Variants in HERC2 observed in about 807,000 individuals in gnomAD.
HERC2 encodes E3 ubiquitin-protein ligase HERC2.
A neutral mutation model predicts 537.7 loss-of-function variants in HERC2; 102 were observed. The observed-to-expected ratio is 0.19, with a 90% CI of 0.16 to 0.22. The LOEUF is 0.22. Among genes scored for constraint, HERC2 ranks in the 10% least tolerant of loss-of-function variants. The pLI, the probability that HERC2 is intolerant of heterozygous loss-of-function variation, is 1.00. For missense variants in HERC2, 4,236 were observed against 6,198.2 expected, an observed-to-expected ratio of 0.68 and a Z score of 10.63; for synonymous variants, 2,224 against 2,466.2, an observed-to-expected ratio of 0.90 and a Z score of 2.91.
intron 35 of HERC2, among the ~76,000 whole-genome samples, chr15:28,226,195 G>A (rs2525895): frequency 3.3e-5 from 5 of 152,306 alleles, no homozygotes; most frequent in Admixed American, 6.5e-5. Context: ...ACATTGTTAA[G>A]ATGGCACTAT....
In HERC2 at chr15:28,121,373, G is replaced by C; in HGVS notation, c.13245C>G (p.Gly4415=). ...QATMVRDRQH[G]PVVELNRIQV... ...GGATGCGGTTCAGCTCCACGACGGG[G>C]CCATGCTGACGATCGCGTACCATAG... Residue 4415 remains glycine (G), a synonymous_variant, in exon 86 of 93, where the codon GGC becomes GGG. Transcript: ENST00000261609. 3.7e-6 allele frequency: 6 copies of C among 1,614,176 alleles called. No individual in the cohort carries two copies. The highest frequency in any genetic ancestry group is 5.1e-6 in the Non-Finnish European group (6 of 1,180,032).
intron 68 of HERC2, among the ~76,000 whole-genome samples, chr15:28,164,706 C>G (rs1893956813): frequency 6.6e-6 from 1 of 152,086 alleles, no homozygotes; most frequent in Non-Finnish European, 1.5e-5. Flanking sequence ...CAAGCCAAAA[C>G]TGAAATAATA....
rs757448502 is a variant in HERC2, at chr15:28,143,810, C to G, written c.11418+63G>C. On this transcript the variant is annotated intron_variant, in intron 74 of 92. Coordinates refer to ENST00000261609, the MANE Select transcript of HERC2 (RefSeq NM_004667.6). Reference sequence around the variant, plus strand: ...CTCAACGATTTAGAGGTTTAGACTACTAAAGCAACATTTTATTCCCCAAGG... The same window carrying G: ...CTCAACGATTTAGAGGTTTAGACTAGTAAAGCAACATTTTATTCCCCAAGG... 1.2e-4 allele frequency: 187 copies of G among 1,604,908 alleles called. 1 individual carries two copies. Among genetic ancestry groups the G allele is most frequent in the Non-Finnish European group, 1.6e-4 (183 of 1,173,570 alleles).
chr15:28,289,103 G>A (rs1365177054), intron 4 of HERC2, among the ~76,000 whole-genome samples: 4 of 151,748 alleles, frequency 2.6e-5, no homozygotes, highest in East Asian at 1.9e-4. Flanking sequence ...AACTGAAAAC[G>A]CCAGAGATGA....
In HERC2 at chr15:28,274,910, C is replaced by A. The variant is rs1177169371; in HGVS notation, c.638G>T (p.Arg213Leu). Reference sequence around the variant, plus strand: ...CGCCACACCAGGGACCGTACCTGATCGCCAGGCCCTGCGCAGGAAGGCAAA... The same window carrying A: ...CGCCACACCAGGGACCGTACCTGATAGCCAGGCCCTGCGCAGGAAGGCAAA... ...FAFAFLRRAW[R>L]SGEDADLCSE... Residue 213 changes from arginine (R) to leucine (L), a missense_variant, in exon 6 of 93, where the codon CGA becomes CTA. Transcript: ENST00000261609. The A allele has an allele frequency of 6.2e-7, 1 of 1,610,678 alleles. No homozygotes were observed. The highest frequency in any genetic ancestry group is 8.5e-7 in the Non-Finnish European group (1 of 1,178,834).
At chr15:28,129,909 T>C (rs1889926633) in intron 83 of HERC2, among the ~76,000 whole-genome samples, 1 of 151,944 alleles carries the variant, frequency 6.6e-6, no homozygotes, top group Admixed American at 6.6e-5. Flanking sequence ...CTTGAGTAGC[T>C]GAGATGCAGG....
rs562990557 is a variant in HERC2, at chr15:28,213,900, T to C, written c.6628A>G (p.Ile2210Val). The C allele has an allele frequency of 2.9e-5, 47 of 1,613,784 alleles. No homozygotes were observed. The highest frequency in any genetic ancestry group is 3.3e-4 in the Middle Eastern group (2 of 6,082). The change falls in exon 42 of 93, where the codon ATT (isoleucine) becomes GTT (valine). Residue 2210 changes from isoleucine (I) to valine (V), a missense_variant. Physicochemically the swap from Ile to Val is conservative, Grantham distance 29. This residue lies in a region of HERC2 where 365 missense variants were observed against 468.8 expected (regional missense o/e 0.78). Coordinates refer to ENST00000261609, the MANE Select transcript of HERC2 (RefSeq NM_004667.6). Reference protein sequence around the residue: ...VGGLMAVLAVIGGIDGRLRLG... With the variant: ...VGGLMAVLAVVGGIDGRLRLG... ...CGCAGGCGACCATCGATGCCTCCAA[T>C]CACAGCCAGGACTGCCATGAGGCCC...
Position 28,177,023 on chromosome 15 carries a change from A to G in HERC2, c.9359T>C (p.Leu3120Pro). The change falls in exon 61 of 93, where the codon CTG becomes CCG. Residue 3120 changes from leucine (L) to proline (P), a missense_variant. Transcript: ENST00000261609. This position sits in a 1 kb window ranked among gnomAD's most constrained non-coding sequence, Gnocchi z 5.0. ...GTACTCGCCGAGGCCCCAGGTGTACAGTTCTCCGCTGGATGTGAGGGCTGC... is the reference window on the plus strand; with the variant it reads ...GTACTCGCCGAGGCCCCAGGTGTACGGTTCTCCGCTGGATGTGAGGGCTGC... ...HSAALTSSGE[L>P]YTWGLGEYGR... 1 of 1,614,178 alleles carries G rather than the reference A, an allele frequency of 6.2e-7. No individual in the cohort carries two copies. The highest frequency in any genetic ancestry group is 8.5e-7 in the Non-Finnish European group (1 of 1,180,026).
At chr15:28,220,176 C>T (rs1199795416) in intron 37 of HERC2, among the ~76,000 whole-genome samples, 2 of 152,184 alleles carry the variant, frequency 1.3e-5, no homozygotes, top group Admixed American at 1.3e-4. Flanking sequence ...GCAGCTGCCC[C>T]GGCCTGGCCA....
intron 5 of HERC2, among the ~76,000 whole-genome samples, chr15:28,277,921 G>A (rs755442234): frequency 3.3e-5 from 5 of 152,062 alleles, no homozygotes; most frequent in Non-Finnish European, 5.9e-5. Context: ...ATAAAATGGT[G>A]TAGTATTTGC....
intron 4 of HERC2, among the ~76,000 whole-genome samples, chr15:28,286,054 AT>A (rs2076150279): frequency 6.6e-6 from 1 of 152,080 alleles, no homozygotes; most frequent in Admixed American, 6.5e-5. Context: ...AAAAAAAGAA[AT>A]TACCAGACCC....
chr15:28,261,553 G>C (rs886099494), intron 15 of HERC2, among the ~76,000 whole-genome samples: 3 of 152,110 alleles, frequency 2.0e-5, no homozygotes. Flanking sequence ...TTCTATCCTA[G>C]GAACTTACCA....
In HERC2 at chr15:28,186,744, C is replaced by G; in HGVS notation, c.8658G>C (p.Arg2886Ser). The change falls in exon 56 of 93, where the codon AGG becomes AGC. Residue 2886 changes from arginine (R) to serine (S), a missense_variant. Arg to Ser is a moderately radical substitution (Grantham distance 110). Around this residue, in one of 27 missense-constraint regions of HERC2, gnomAD observed 606 missense variants for 884.5 expected, o/e 0.69. Transcript: ENST00000261609. The part of the protein sequence containing the change: ...PLLNDCTEYH[R>S]YIEIAIKQCR... ...ACTGCTTTATAGCAATTTCAATATACCTGTGATACTAGACACAAAAACCAT... is the reference window on the plus strand; with the variant it reads ...ACTGCTTTATAGCAATTTCAATATAGCTGTGATACTAGACACAAAAACCAT... 1.2e-6 allele frequency: 2 copies of G among 1,612,150 alleles called. No individual in the cohort carries two copies. Among genetic ancestry groups the G allele is most frequent in the East Asian group, 4.5e-5 (2 of 44,874 alleles).
chr15:28,218,106 T>C (rs1018169953), intron 38 of HERC2, among the ~76,000 whole-genome samples: 2 of 151,250 alleles, frequency 1.3e-5, no homozygotes, highest in South Asian at 2.1e-4. Flanking sequence ...TTTGATGAGG[T>C]TGAATGATGT....
intron 23 of HERC2, among the ~76,000 whole-genome samples, chr15:28,243,184 CAA>C (rs1903305884): frequency 6.6e-6 from 1 of 152,164 alleles, no homozygotes; most frequent in Non-Finnish European, 1.5e-5. Flanking sequence ...GGTGCTGGCA[CAA>C]AGACACTATG....
At chr15:28,277,817 T>C (rs1423911879) in intron 5 of HERC2, among the ~76,000 whole-genome samples, 1 of 152,168 alleles carries the variant, frequency 6.6e-6, no homozygotes, top group Non-Finnish European at 1.5e-5. Context: ...AAATACAACA[T>C]GTACAGTCGT....
intron 59 of HERC2, 145 bp downstream of exon 59, chr15:28,178,739 GACC>G: frequency 2.4e-6 from 2 of 835,204 alleles, no homozygotes; most frequent in Non-Finnish European, 3.5e-6. Context: ...CTAAATTCTA[GACC>G]ACCTAGAGAT....
chr15:28,292,783 C>A (rs2076354482), intron 4 of HERC2, 105 bp downstream of exon 4: 1 of 1,190,158 alleles, frequency 8.4e-7, no homozygotes, highest in Admixed American at 2.6e-5. Flanking sequence ...TTTTTATTTA[C>A]TTTTTTTAAA....
Position 28,262,961 on chromosome 15 carries a change from T to C in HERC2, c.2079A>G (p.Thr693=). The C allele has an allele frequency of 6.2e-7, 1 of 1,614,166 alleles. No homozygotes were observed. Among genetic ancestry groups the C allele is most frequent in the Admixed American group, 1.7e-5 (1 of 60,032 alleles). ...KGDNQRLGHG[T]EEHVRYPKLL... ...GTTTTGGATAACGAACATGTTCCTC[T>C]GTTCCATGTCCAAGTCTCTGGTTGT... is the stretch of plus-strand genomic sequence containing the variant. The change falls in exon 15 of 93, where the codon ACA becomes ACG. Residue 693 remains threonine (T), a synonymous_variant. Coordinates refer to ENST00000261609, the MANE Select transcript of HERC2 (RefSeq NM_004667.6).
Sources: allele counts gnomAD v4.1 joint callset (sites outside exome capture counted in the v4.1 genomes callset), GRCh38; gene constraint gnomAD v4.1.1; regional missense constraint gnomAD v4.1.1; non-coding constraint Gnocchi (gnomAD v3.1); transcripts MANE v1.5; gene names NCBI Gene and HGNC (gene_info 2026-07-23, HGNC 2026-07-21).